Variants in FRY observed in about 807,000 individuals in gnomAD.
FRY encodes the protein FRY microtubule binding protein, also known as protein furry homolog.
FRY carries 128 observed loss-of-function variants against 348.4 expected under a neutral mutation model. That is an observed-to-expected ratio of 0.37 (90% CI 0.32 to 0.43). FRY has a LOEUF of 0.43. Ranked by LOEUF, FRY falls within the 20% of genes least tolerant of loss-of-function variation. The pLI is 1.00. For missense variants in FRY, 2,736 were observed against 3,695.2 expected, an observed-to-expected ratio of 0.74 and a Z score of 6.73; for synonymous variants, 1,370 against 1,374.7, an observed-to-expected ratio of 1.00 and a Z score of 0.08.
chr13:32,146,179 C>T (rs1593665779), intron 11 of FRY, among the ~76,000 whole-genome samples: 2 of 59,222 alleles, frequency 3.4e-5, no homozygotes, highest in South Asian at 8.5e-4. Context: ...CTCCCTCCCA[C>T]CATTTTTTTT....
chr13:32,170,912 C>T, intron 17 of FRY, 100 bp from the exon 18 acceptor site: 1 of 912,070 alleles, frequency 1.1e-6, no homozygotes, highest in African/African-American at 1.6e-5. Context: ...TTTTCAGACT[C>T]AAGTAGAAGA....
In FRY at chr13:32,202,216, CTGA is replaced by C. The variant is rs1884072061; in HGVS notation, c.3847-137_3847-135del. 3 of 811,884 alleles carry C rather than the reference CTGA, an allele frequency of 3.7e-6. No homozygotes were observed. In the East Asian group the frequency reaches 7.8e-5, roughly 21 times the overall value. 50.3% of individuals were successfully genotyped at this position (811,884 alleles called of 1,614,324 possible). A position where few individuals can be genotyped will look rare whatever the true frequency, so the allele number is the denominator to read the frequency against. Reference sequence around the variant, plus strand: ...ATCTTTTGTAAACATACTAATTAAACTGATGTTTTACCTTTAATTCTATTTTTA... The same window carrying C: ...ATCTTTTGTAAACATACTAATTAAACTGTTTTACCTTTAATTCTATTTTTA... On this transcript the variant is annotated intron_variant, in intron 30 of 60. Transcript: ENST00000542859.
chr13:32,079,029 C>T lies in FRY; in HGVS notation c.266C>T (p.Pro89Leu). The T allele has an allele frequency of 6.2e-7, 1 of 1,609,510 alleles. No individual in the cohort carries two copies. Residue 89 changes from proline (P) to leucine (L), a missense_variant, in exon 2 of 61, where the codon CCC becomes CTC. Around this residue, in one of 9 missense-constraint regions of FRY, gnomAD observed 309 missense variants for 418.1 expected, o/e 0.74. Transcript: ENST00000542859. ...ERKIRIIMAE[P>L]LEKPLTKSLQ... is the part of the protein sequence containing the mutation. ...AAGATTCGTATCATTATGGCAGAGCCCCTGGTGAGTACATGCCGTGGAAAC... is the reference window on the plus strand; with the variant it reads ...AAGATTCGTATCATTATGGCAGAGCTCCTGGTGAGTACATGCCGTGGAAAC...
chr13:32,163,653 G>C (rs1428384865), intron 17 of FRY, among the ~76,000 whole-genome samples: 2 of 152,112 alleles, frequency 1.3e-5, no homozygotes, highest in African/African-American at 4.8e-5. Context: ...TTCTCTTTCT[G>C]GTAAAGTCTC....
rs541862553 is a variant in FRY, at chr13:32,218,896, G to A, written c.4765+65G>A. ...AGTGGTCAGAGGATGGAAAATGAGTGTTCTGATTGTTCTTGGTCTGATTAC... is the reference window on the plus strand; with the variant it reads ...AGTGGTCAGAGGATGGAAAATGAGTATTCTGATTGTTCTTGGTCTGATTAC... On this transcript the variant is annotated intron_variant, in intron 36 of 60. Coordinates refer to ENST00000542859, the MANE Select transcript of FRY (RefSeq NM_023037.3). The A allele has an allele frequency of 1.1e-4, 99 of 872,886 alleles. No individual in the cohort carries two copies. The African/African-American group carries it at 1.4e-3, about 12-fold the overall frequency. 54.1% of individuals were successfully genotyped at this position (872,886 alleles called of 1,614,324 possible).
intron 17 of FRY, among the ~76,000 whole-genome samples, chr13:32,167,597 G>T (rs1266461997): frequency 6.6e-6 from 1 of 152,162 alleles, no homozygotes; most frequent in Non-Finnish European, 1.5e-5. Flanking sequence ...ACATTCTGAG[G>T]TACTGGGAGT....
In FRY at chr13:32,104,314, C is replaced by T. The variant is rs115863035; in HGVS notation, c.324+2298C>T. 7.5e-3 allele frequency among the ~76,000 whole-genome samples: 1,147 copies of T among 152,270 alleles called. 20 individuals are homozygous for T. The highest frequency in any genetic ancestry group is 0.026 in the African/African-American group (1,074 of 41,546). Reference sequence around the variant, plus strand: ...TATATCACTTTTAACTTTGCGTCTCCAAGTGTTGTCCATGGATCTGTGTCA... The same window carrying T: ...TATATCACTTTTAACTTTGCGTCTCTAAGTGTTGTCCATGGATCTGTGTCA... On this transcript the variant is annotated intron_variant, in intron 3 of 60. Transcript: ENST00000542859.
chr13:32,130,884 C>T (rs1045423443), intron 7 of FRY, among the ~76,000 whole-genome samples: 2 of 150,856 alleles, frequency 1.3e-5, no homozygotes, highest in African/African-American at 2.4e-5. Flanking sequence ...GGCATGATCT[C>T]GGCTCATTGC....
intron 1 of FRY, among the ~76,000 whole-genome samples, chr13:32,042,498 G>A (rs1337732934): frequency 2.6e-5 from 3 of 116,594 alleles, no homozygotes; most frequent in Non-Finnish European, 5.1e-5. Context: ...ACAGCCTGGA[G>A]ATGGGACTGT....
intron 1 of FRY, among the ~76,000 whole-genome samples, chr13:32,036,940 C>G (rs1023312839): frequency 4.0e-5 from 6 of 151,888 alleles, no homozygotes; most frequent in African/African-American, 1.5e-4. Context: ...GTTTTGTTGG[C>G]TGATGTCCCT....
At chr13:32,281,137 A>C (rs1253110346) in intron 58 of FRY, among the ~76,000 whole-genome samples, 1 of 152,076 alleles carries the variant, frequency 6.6e-6, no homozygotes, top group Non-Finnish European at 1.5e-5. Context: ...CTATTTATTC[A>C]TTTGTTTAGA....
In FRY at chr13:32,289,619, A is replaced by G. The variant is rs1889232418; in HGVS notation, c.8470-14A>G. ...AACAATAACTGTTTCTTCCCATGCA[A>G]TTTCTCTCTTTAGCAATTGGAACTG... is the stretch of plus-strand genomic sequence containing the variant. On this transcript the variant is annotated splice_polypyrimidine_tract_variant and intron_variant, in intron 58 of 60. Transcript: ENST00000542859. The G allele has an allele frequency of 1.4e-6, 2 of 1,451,160 alleles. No homozygotes were observed. Among genetic ancestry groups the G allele is most frequent in the African/African-American group, 1.4e-5 (1 of 71,820 alleles). The allele number at this position is 1,451,160 out of a possible 1,614,324, so 89.9% of individuals were successfully genotyped here. A position where few individuals can be genotyped will look rare whatever the true frequency, so the allele number is the denominator to read the frequency against.
chr13:32,121,597 C>T (rs1011323758), intron 4 of FRY, among the ~76,000 whole-genome samples: 6 of 152,102 alleles, frequency 3.9e-5, no homozygotes, highest in African/African-American at 1.4e-4. Context: ...GAATTGTCTA[C>T]TCATGACCTT....
rs1566169717 is a variant in FRY, at chr13:32,251,821, A to G, written c.7171-57A>G. The G allele has an allele frequency of 7.4e-6, 8 of 1,083,966 alleles. No homozygotes were observed. In the East Asian group the frequency reaches 1.9e-4, roughly 25 times the overall value. The allele number at this position is 1,083,966 out of a possible 1,614,324, so 67.1% of individuals were successfully genotyped here. ...CTGTATGGCTAGTGGCTAGAAAATT[A>G]GAGCAGATTTGCTCACAGGAACCCA... On this transcript the variant is annotated intron_variant, in intron 49 of 60. Coordinates refer to ENST00000542859, the MANE Select transcript of FRY (RefSeq NM_023037.3).
chr13:32,045,379 T>C (rs1317958523), intron 1 of FRY, among the ~76,000 whole-genome samples: 1 of 152,188 alleles, frequency 6.6e-6, no homozygotes. Flanking sequence ...TCTGGAGCAC[T>C]CACAATTCCT....
rs376504579 is a variant in FRY, at chr13:32,072,785, C to T, written c.71-6049C>T. 3.2e-4 allele frequency among the ~76,000 whole-genome samples: 49 copies of T among 152,298 alleles called. No homozygotes were observed. In the East Asian group the frequency reaches 3.5e-3, roughly 11 times the overall value. On this transcript the variant is annotated intron_variant, in intron 1 of 60. Coordinates refer to ENST00000542859, the MANE Select transcript of FRY (RefSeq NM_023037.3). The stretch of plus-strand genomic sequence containing the variant: ...GTGTGATTCTAAAGAAAGATCCCAG[C>T]TCTTGTTTACTAACAGGGTTTGCCT...
intron 51 of FRY, chr13:32,258,064 C>A (rs1002189028): frequency 3.1e-6 from 3 of 965,638 alleles, no homozygotes; most frequent in Non-Finnish European, 3.4e-6. Context: ...TTCCTCCCTT[C>A]CAGAATATAT....
intron 2 of FRY, among the ~76,000 whole-genome samples, chr13:32,083,230 A>G (rs984044303): frequency 1.3e-5 from 2 of 152,040 alleles, no homozygotes; most frequent in African/African-American, 2.4e-5. Context: ...TTACCTACCT[A>G]TTGAGAATTT....
chr13:32,250,331 T>G (rs1036100075), intron 49 of FRY, among the ~76,000 whole-genome samples: 3 of 152,240 alleles, frequency 2.0e-5, no homozygotes, highest in Non-Finnish European at 4.4e-5. Context: ...AGAAACTTAT[T>G]AACTTACTCA....
Sources: gnomAD v4.1 joint callset for allele counts (sites outside exome capture counted in the v4.1 genomes callset) on GRCh38, gnomAD v4.1.1 for gene constraint, gnomAD v4.1.1 regional missense constraint, MANE v1.5 for transcripts, NCBI Gene and HGNC (gene_info 2026-07-23, HGNC 2026-07-21) for gene names.